PDE4B: variants seen among roughly 807,000 people sequenced by gnomAD.
PDE4B encodes 3',5'-cyclic-AMP phosphodiesterase 4B.
PDE4B carries 20 observed loss-of-function variants against 82.2 expected under a neutral mutation model. The observed-to-expected ratio is 0.24, with a 90% CI of 0.17 to 0.35. The LOEUF is 0.35. Ranked by LOEUF, PDE4B falls within the 10% of genes least tolerant of loss-of-function variation. PDE4B has a pLI of 1.00. For synonymous variants in PDE4B, 320 were observed against 318.9 expected (o/e 1.00, Z -0.04); for missense variants, 655 against 907.2 (o/e 0.72, Z 3.57).
intron 7 of PDE4B, among the ~76,000 whole-genome samples, chr1:66,279,657 A>G (rs1656152315): frequency 6.6e-6 from 1 of 152,188 alleles, no homozygotes; most frequent in Non-Finnish European, 1.5e-5. Context: ...TGTGTCAGTC[A>G]TGGTCCTCTA....
chr1:65,863,714 A>G (rs1403624342), intron 1 of PDE4B, among the ~76,000 whole-genome samples: 1 of 152,144 alleles, frequency 6.6e-6, no homozygotes, highest in Admixed American at 6.6e-5. Flanking sequence ...CATATTTAGG[A>G]TAGTTAGCTC....
intron 3 of PDE4B, among the ~76,000 whole-genome samples, chr1:66,095,502 T>G (rs1352129979): frequency 6.6e-6 from 1 of 151,916 alleles, no homozygotes; most frequent in Non-Finnish European, 1.5e-5. Context: ...TTATTATATT[T>G]CTTGCCTTGA....
At chr1:66,094,556 C>T (rs1645080562) in intron 3 of PDE4B, 1 of 151,910 alleles carries the variant, frequency 6.6e-6, no homozygotes, top group South Asian at 2.1e-4. Flanking sequence ...TGATTTAGTC[C>T]TTTAAAAACT....
intron 3 of PDE4B, among the ~76,000 whole-genome samples, chr1:66,116,888 G>C (rs1018729352): frequency 3.3e-5 from 5 of 152,060 alleles, no homozygotes; most frequent in Admixed American, 2.6e-4. Flanking sequence ...CTAGACAAGG[G>C]TTCATTCTGG....
At chr1:66,250,532 C>A (rs527863998) in intron 4 of PDE4B, among the ~76,000 whole-genome samples, 11 of 152,216 alleles carry the variant, frequency 7.2e-5, no homozygotes, top group African/African-American at 2.6e-4. Flanking sequence ...GTAGCTTTAA[C>A]TTTGAGCAAC....
At chr1:66,154,276 T>G (rs1362230754) in intron 3 of PDE4B, among the ~76,000 whole-genome samples, 1 of 152,214 alleles carries the variant, frequency 6.6e-6, no homozygotes, top group African/African-American at 2.4e-5. Flanking sequence ...CTCTGTAATC[T>G]GAACATAGAG....
chr1:66,347,212 T>G (rs1347585600), intron 8 of PDE4B, among the ~76,000 whole-genome samples: 1 of 152,186 alleles, frequency 6.6e-6, no homozygotes, highest in African/African-American at 2.4e-5. Context: ...TTGAGGTGCA[T>G]TGTTGTTCAA....
chr1:66,085,150 C>G (rs1344211970), intron 3 of PDE4B, among the ~76,000 whole-genome samples: 1 of 152,194 alleles, frequency 6.6e-6, no homozygotes, highest in Non-Finnish European at 1.5e-5. Context: ...ATGCACATCC[C>G]TGTGCCCTAC....
At chr1:65,871,111 G>A (rs1370653424) in intron 1 of PDE4B, among the ~76,000 whole-genome samples, 1 of 152,158 alleles carries the variant, frequency 6.6e-6, no homozygotes, top group Admixed American at 6.6e-5. Flanking sequence ...TCAAGGTAGA[G>A]ATTTGCTTCT....
intron 1 of PDE4B, among the ~76,000 whole-genome samples, chr1:65,837,322 T>C (rs796551273): frequency 3.9e-4 from 60 of 152,302 alleles, no homozygotes; most frequent in African/African-American, 1.3e-3. Flanking sequence ...CCGGGCACAG[T>C]GGCTCACACT....
chr1:66,096,508 TTATATATATATA>T (rs4068855), intron 3 of PDE4B, among the ~76,000 whole-genome samples: 31 of 107,320 alleles, frequency 2.9e-4, no homozygotes, highest in South Asian at 1.6e-3. Flanking sequence ...GTAAAAAAAA[TTATATATATATA>T]TATATATATA....
intron 1 of PDE4B, among the ~76,000 whole-genome samples, chr1:65,842,488 A>T (rs1306481423): frequency 1.3e-5 from 2 of 152,162 alleles, no homozygotes. Context: ...ATTAGCTGCA[A>T]ATTGCCATGC....
At chr1:66,291,150 T>G (rs1290914103) in intron 7 of PDE4B, among the ~76,000 whole-genome samples, 1 of 152,162 alleles carries the variant, frequency 6.6e-6, no homozygotes, top group South Asian at 2.1e-4. Flanking sequence ...GTCTTTTATA[T>G]CAGGCTGTGG....
chr1:66,357,556 C>T (rs947128030), intron 9 of PDE4B, among the ~76,000 whole-genome samples: 1 of 151,880 alleles, frequency 6.6e-6, no homozygotes, highest in Non-Finnish European at 1.5e-5. Context: ...TTTGTCTTCT[C>T]ATTGTTCCAA....
At chr1:66,017,960 C>T (rs1652871655) in intron 3 of PDE4B, among the ~76,000 whole-genome samples, 1 of 152,180 alleles carries the variant, frequency 6.6e-6, no homozygotes, top group Admixed American at 6.5e-5. Flanking sequence ...ATTTTGAAAC[C>T]ACTTACAGAT....
chr1:66,013,150 C>G (rs1168536541), intron 3 of PDE4B, among the ~76,000 whole-genome samples: 1 of 152,080 alleles, frequency 6.6e-6, no homozygotes, highest in Non-Finnish European at 1.5e-5. Flanking sequence ...GAATTGCACA[C>G]TTTGTGTAAC....
rs145462602 is a variant in PDE4B, at chr1:65,838,766, T to A, written c.-71+45518T>A. 4.6e-5 allele frequency among the ~76,000 whole-genome samples: 7 copies of A among 151,998 alleles called. No homozygotes were observed. In the East Asian group the frequency reaches 1.4e-3, roughly 29 times the overall value. ...GTTACTCTAATAGCATTCCTTTACT[T>A]TCTTTTTCCTTTAATAAGAAAGGCA... On this transcript the variant is annotated intron_variant, in intron 1 of 16. Transcript: ENST00000341517.
chr1:66,371,910 A>G (rs2050796834), intron 16 of PDE4B, among the ~76,000 whole-genome samples: 1 of 152,248 alleles, frequency 6.6e-6, no homozygotes, highest in Admixed American at 6.5e-5. Flanking sequence ...CCTGGAAATC[A>G]TGAGGATTCC....
At chr1:66,097,545 T>TC (rs755283810) in intron 3 of PDE4B, among the ~76,000 whole-genome samples, 1 of 152,066 alleles carries the variant, frequency 6.6e-6, no homozygotes, top group Non-Finnish European at 1.5e-5. Flanking sequence ...TACTTTTTTT[T>TC]CTGCAGTGTT....
Sources: allele counts gnomAD v4.1 joint callset (sites outside exome capture counted in the v4.1 genomes callset), GRCh38; gene constraint gnomAD v4.1.1; transcripts MANE v1.5; gene names NCBI Gene and HGNC (gene_info 2026-07-23, HGNC 2026-07-21).